JAG1: variants seen among roughly 807,000 people sequenced by gnomAD.
JAG1 encodes the protein protein jagged-1.
In JAG1, 23 loss-of-function variants were observed where a neutral mutation model predicts 148.7. That is an observed-to-expected ratio of 0.15 (90% CI 0.11 to 0.22). The LOEUF (loss-of-function observed/expected upper bound fraction) is 0.22, where lower values mean the gene tolerates loss of function less well. JAG1 is among the 10% of genes least tolerant of loss of function. The probability of loss-of-function intolerance (pLI) is 1.00; values close to 1 mark genes in which losing one functional copy is unlikely to be tolerated. For synonymous variants in JAG1, 572 were observed against 598.3 expected (o/e 0.96, Z 0.64); for missense variants, 1,054 against 1,611.2 (o/e 0.65, Z 5.92).
At chr20:10,641,082 A>G in intron 24 of JAG1, 31 bp downstream of exon 24, 1 of 1,613,268 alleles carries the variant, frequency 6.2e-7, no homozygotes, top group South Asian at 1.1e-5. Context: ...TTGCCATCGA[A>G]TAATGAGGTG....
In JAG1 at chr20:10,673,137, A is replaced by G. The variant is rs919031508; in HGVS notation, c.82-131T>C. The G allele has an allele frequency of 2.5e-6, 2 of 804,426 alleles. No individual in the cohort carries two copies. The highest frequency in any genetic ancestry group is 2.1e-6 in the Non-Finnish European group (1 of 484,638). 49.8% of individuals were successfully genotyped at this position (804,426 alleles called of 1,614,324 possible). ...CGAGTGAAAATAATTTTGCGAAACT[A>G]CGTTCAAGGACTCAACATGATTCCG... On this transcript the variant is annotated intron_variant, in intron 1 of 25. Coordinates refer to ENST00000254958, the MANE Select transcript of JAG1 (RefSeq NM_000214.3). The surrounding 1 kb of genome is among the most constrained non-coding windows in gnomAD (Gnocchi z 4.7).
intron 2 of JAG1, among the ~76,000 whole-genome samples, chr20:10,665,252 G>T (rs1348582878): frequency 6.6e-6 from 1 of 152,244 alleles, no homozygotes; most frequent in Non-Finnish European, 1.5e-5. Context: ...AGCGCTCTCA[G>T]AGTGACACAG....
At position 10,640,951 on chromosome 20, in the gene JAG1, A is replaced by G; in HGVS notation, c.3049-18T>C. Reference sequence around the variant, plus strand: ...TCAGCAGACTGGAAAAACAATTGTCAGACTTGAGAGTCAGAGGAATACTCA... The same window carrying G: ...TCAGCAGACTGGAAAAACAATTGTCGGACTTGAGAGTCAGAGGAATACTCA... On this transcript the variant is annotated intron_variant, in intron 24 of 25. Coordinates refer to ENST00000254958, the MANE Select transcript of JAG1 (RefSeq NM_000214.3). 2 of 1,613,964 alleles carry G rather than the reference A, an allele frequency of 1.2e-6. No homozygotes were observed. Among genetic ancestry groups the G allele is most frequent in the Non-Finnish European group, 1.7e-6 (2 of 1,179,804 alleles).
Position 10,658,667 on chromosome 20 carries a change from C to A in JAG1, c.495G>T (p.Arg165=). 6.2e-7 allele frequency: 1 copy of A among 1,614,218 alleles called. No individual in the cohort carries two copies. The highest frequency in any genetic ancestry group is 1.1e-5 in the South Asian group (1 of 91,084). The change falls in exon 4 of 26, where the codon CGG becomes CGT. Residue 165 remains arginine, a synonymous_variant. Coordinates refer to ENST00000254958, the MANE Select transcript of JAG1 (RefSeq NM_000214.3). ...ASHSGMINPS[R]QWQTLKQNTG... ...TGTTCTGCTTCAGCGTCTGCCACTG[C>A]CGGCTGGGGTTGATCATGCCCGAGT...
chr20:10,647,928 G>C, intron 13 of JAG1, 32 bp downstream of exon 13: 3 of 1,613,020 alleles, frequency 1.9e-6, no homozygotes, highest in Non-Finnish European at 2.5e-6. Flanking sequence ...AGCAAGTCTG[G>C]AGACAGCCAG....
At chr20:10,640,670 G>A in intron 25 of JAG1, 113 bp downstream of exon 25, 1 of 1,096,176 alleles carries the variant, frequency 9.1e-7, no homozygotes, top group Non-Finnish European at 1.4e-6. Context: ...TAAATTGGGA[G>A]CTCCTGCGAG....
intron 12 of JAG1, 38 bp from the exon 13 acceptor site, chr20:10,648,148 A>C (rs763693091): frequency 1.9e-6 from 3 of 1,613,654 alleles, no homozygotes; most frequent in Non-Finnish European, 2.5e-6. Flanking sequence ...GGGAGGGATC[A>C]GAGTAAAACA....
At chr20:10,658,384 C>T (rs933091077) in intron 4 of JAG1, 84 bp downstream of exon 4, 19 of 1,566,860 alleles carry the variant, frequency 1.2e-5, no homozygotes, top group East Asian at 6.7e-5. Flanking sequence ...CTGAGATAGC[C>T]GCATGCCACC....
intron 5 of JAG1, 119 bp from the exon 6 acceptor site, chr20:10,652,717 G>A: frequency 9.2e-7 from 1 of 1,088,632 alleles, no homozygotes; most frequent in South Asian, 1.3e-5. Context: ...GGACAGGAAG[G>A]TAGACTCCCA....
In JAG1 at chr20:10,638,848, GATT is replaced by G. The variant is rs572952606; in HGVS notation, c.*647_*649del. On this transcript the variant is annotated 3_prime_UTR_variant, in exon 26 of 26. Coordinates refer to ENST00000254958, the MANE Select transcript of JAG1 (RefSeq NM_000214.3). ...AAAGGAATGATGTTTTAAGGCTCTTGATTATTAAGTTAATAAATCAAATATACA... is the reference window on the plus strand; with the variant it reads ...AAAGGAATGATGTTTTAAGGCTCTTGATTAAGTTAATAAATCAAATATACA... 1.1e-3 allele frequency: 163 copies of G among 153,072 alleles called. 6 individuals carry two copies. The highest frequency in any genetic ancestry group is 1.2e-3 in the Non-Finnish European group (83 of 68,272). 9.5% of individuals were successfully genotyped at this position (153,072 alleles called of 1,614,324 possible).
At chr20:10,644,586 C>T (rs1217329055) in intron 18 of JAG1, 2 of 662,378 alleles carry the variant, frequency 3.0e-6, no homozygotes, top group Non-Finnish European at 5.5e-6. Context: ...AGGAAGAGGC[C>T]CTGGTAGGGG....
intron 11 of JAG1, 86 bp from the exon 12 acceptor site, chr20:10,648,808 G>A: frequency 7.4e-7 from 1 of 1,356,994 alleles, no homozygotes. Flanking sequence ...TAGCATGACT[G>A]TTGCGGTTTA....
rs1341282309 is a variant in JAG1 at position 10,638,858 on chromosome 20, TTAA to T, written c.*637_*639del. 6.5e-6 allele frequency: 1 copy of T among 153,026 alleles called. No homozygotes were observed. The highest frequency in any genetic ancestry group is 1.5e-5 in the Non-Finnish European group (1 of 68,350). 9.5% of individuals were successfully genotyped at this position (153,026 alleles called of 1,614,324 possible). A position where few individuals can be genotyped will look rare whatever the true frequency, so the allele number is the denominator to read the frequency against. ...TGTTTTAAGGCTCTTGATTATTAAG[TTAA>T]TAAATCAAATATACACAGTGATTAA... On this transcript the variant is annotated 3_prime_UTR_variant, in exon 26 of 26. Transcript: ENST00000254958.
intron 10 of JAG1, 45 bp from the exon 11 acceptor site, chr20:10,649,152 G>A: frequency 7.5e-7 from 1 of 1,324,982 alleles, no homozygotes; most frequent in East Asian, 2.3e-5. Flanking sequence ...AATTTACAGT[G>A]AAATTGGGCT....
At chr20:10,650,117 G>T (rs1266949541) in intron 9 of JAG1, 130 bp downstream of exon 9, 1 of 712,212 alleles carries the variant, frequency 1.4e-6, no homozygotes, top group Non-Finnish European at 2.6e-6. Flanking sequence ...CTAGACTCTT[G>T]ATAATAAATT....
Position 10,639,021 on chromosome 20 carries a change from A to T in JAG1, c.*477T>A, listed in dbSNP as rs2067251816. ...CAACAAAAATACAATTAAAAAAAAT[A>T]AATAATAAAGTCATTTGTGATCGTT... On this transcript the variant is annotated 3_prime_UTR_variant, in exon 26 of 26. Transcript: ENST00000254958. 6.4e-6 allele frequency: 1 copy of T among 156,030 alleles called. No individual in the cohort carries two copies. Among genetic ancestry groups the T allele is most frequent in the Non-Finnish European group, 1.4e-5 (1 of 69,910 alleles). 9.7% of individuals were successfully genotyped at this position (156,030 alleles called of 1,614,324 possible).
rs564506603 is a variant in JAG1, at chr20:10,669,213, G to A, written c.387+3488C>T. On this transcript the variant is annotated intron_variant, in intron 2 of 25. Transcript: ENST00000254958. ...AGGTAGACTTCTTAGGGCAAAAGGC[G>A]TTTTCTCCACATGCAGAAAGTCCCT... Among the ~76,000 whole-genome samples, 54 of 152,190 alleles carry A rather than the reference G, an allele frequency of 3.5e-4. 1 individual carries two copies. In the South Asian group the frequency reaches 8.1e-3, roughly 23 times the overall value.
chr20:10,646,273 A>G (rs2122604866), intron 14 of JAG1, 189 bp from the exon 15 acceptor site: 1 of 623,708 alleles, frequency 1.6e-6, no homozygotes, highest in Non-Finnish European at 2.9e-6. Context: ...AGAGTGCCTT[A>G]CCCACTTAAT....
intron 25 of JAG1, 76 bp downstream of exon 25, chr20:10,640,707 G>A (rs2067264672): frequency 4.0e-6 from 6 of 1,499,474 alleles, no homozygotes; most frequent in African/African-American, 1.4e-5. Context: ...ATAATCCCTC[G>A]ACCTGATGGC....
Sources: gnomAD v4.1 joint callset for allele counts (sites outside exome capture counted in the v4.1 genomes callset) on GRCh38, gnomAD v4.1.1 for gene constraint, Gnocchi (gnomAD v3.1) non-coding constraint, MANE v1.5 for transcripts, NCBI Gene and HGNC (gene_info 2026-07-23, HGNC 2026-07-21) for gene names.